RAD51B: variants seen among roughly 807,000 people sequenced by gnomAD.
The protein encoded by RAD51B is RAD51 paralog B.
RAD51B carries 38 observed loss-of-function variants against 42.2 expected under a neutral mutation model. The observed-to-expected ratio is 0.90, with a 90% CI of 0.70 to 1.18. RAD51B has a LOEUF of 1.18. Ranked by LOEUF, RAD51B falls within the 50% of genes most tolerant of loss-of-function variation. RAD51B has a pLI of 0.00. For missense variants in RAD51B, 373 were observed against 400.7 expected (o/e 0.93, Z 0.59); for synonymous variants, 154 against 145.2 (o/e 1.06, Z -0.43).
At chr14:68,422,715 CTA>C (rs2084739591) in intron 9 of RAD51B, among the ~76,000 whole-genome samples, 1 of 152,122 alleles carries the variant, frequency 6.6e-6, no homozygotes, top group African/African-American at 2.4e-5. Flanking sequence ...TTATGATATG[CTA>C]CACATTATCT....
chr14:68,227,224 T>G (rs960552461), intron 7 of RAD51B, among the ~76,000 whole-genome samples: 1 of 152,324 alleles, frequency 6.6e-6, no homozygotes, highest in Non-Finnish European at 1.5e-5. Context: ...CACTCTTGCC[T>G]TTCTTCAAAT....
chr14:68,639,171 G>A (rs1458336574), intron 10 of RAD51B, among the ~76,000 whole-genome samples: 4 of 152,212 alleles, frequency 2.6e-5, no homozygotes, highest in African/African-American at 9.7e-5. Flanking sequence ...GCTAGCTGCT[G>A]TAACAGACTC....
chr14:67,980,238 A>T (rs1015672096), intron 7 of RAD51B, among the ~76,000 whole-genome samples: 3 of 152,128 alleles, frequency 2.0e-5, no homozygotes, highest in Non-Finnish European at 4.4e-5. Flanking sequence ...TGAGATCAGA[A>T]GTTTGAGATC....
chr14:67,861,608 G>GT (rs1484174090), intron 4 of RAD51B, among the ~76,000 whole-genome samples: 2 of 150,322 alleles, frequency 1.3e-5, no homozygotes, highest in Non-Finnish European at 3.0e-5. Context: ...GGTGAAGCAT[G>GT]TTTTTTTAAA....
intron 10 of RAD51B, among the ~76,000 whole-genome samples, chr14:68,528,256 A>G (rs1370174753): frequency 6.6e-6 from 1 of 152,236 alleles, no homozygotes; most frequent in African/African-American, 2.4e-5. Flanking sequence ...GTCATTCATC[A>G]TATTTCCTCT....
chr14:68,329,351 A>G (rs1484708942), intron 8 of RAD51B, among the ~76,000 whole-genome samples: 2 of 152,266 alleles, frequency 1.3e-5, no homozygotes, highest in African/African-American at 2.4e-5. Context: ...TTATAACCCA[A>G]ACTCCTGAGT....
At chr14:68,321,533 C>T (rs986519489) in intron 8 of RAD51B, among the ~76,000 whole-genome samples, 3 of 152,156 alleles carry the variant, frequency 2.0e-5, no homozygotes, top group African/African-American at 7.2e-5. Flanking sequence ...CTGCTCTTAG[C>T]ATTTTGTTGC....
At chr14:68,458,983 T>C (rs1404601341) in intron 9 of RAD51B, among the ~76,000 whole-genome samples, 1 of 152,196 alleles carries the variant, frequency 6.6e-6, no homozygotes, top group Non-Finnish European at 1.5e-5. Flanking sequence ...CAGTGTTCCA[T>C]GCAGAGTGAT....
intron 9 of RAD51B, among the ~76,000 whole-genome samples, chr14:68,437,368 G>A (rs997450100): frequency 6.6e-6 from 1 of 152,148 alleles, no homozygotes; most frequent in South Asian, 2.1e-4. Context: ...TTACTTGATC[G>A]TGGTGAATTA....
intron 7 of RAD51B, chr14:67,908,801 G>A (rs907784728): frequency 6.6e-6 from 1 of 152,176 alleles, no homozygotes; most frequent in African/African-American, 2.4e-5. Context: ...TAAATAAGAC[G>A]TGGATCCTGC....
chr14:68,424,057 A>G (rs552163445), intron 9 of RAD51B, among the ~76,000 whole-genome samples: 62 of 152,296 alleles, frequency 4.1e-4, no homozygotes, highest in African/African-American at 1.4e-3. Flanking sequence ...TCTCTGTGGC[A>G]TCTTGCCCAC....
At chr14:68,335,788 A>G (rs575443620) in intron 8 of RAD51B, among the ~76,000 whole-genome samples, 5 of 152,370 alleles carry the variant, frequency 3.3e-5, no homozygotes, top group African/African-American at 9.6e-5. Flanking sequence ...TAACAAGAGC[A>G]GAAAGTTCTA....
intron 7 of RAD51B, among the ~76,000 whole-genome samples, chr14:68,045,793 G>A (rs1267757852): frequency 2.0e-5 from 3 of 152,092 alleles, no homozygotes; most frequent in Non-Finnish European, 2.9e-5. Context: ...GTAGAAAAGG[G>A]AGCCAGATAT....
intron 10 of RAD51B, among the ~76,000 whole-genome samples, chr14:68,519,588 G>A (rs979893513): frequency 2.6e-5 from 4 of 152,192 alleles, no homozygotes; most frequent in Non-Finnish European, 4.4e-5. Context: ...CTGACAACAC[G>A]ACTGGTTCTG....
chr14:67,947,167 T>C (rs78863820), intron 7 of RAD51B, among the ~76,000 whole-genome samples: 3 of 152,200 alleles, frequency 2.0e-5, no homozygotes, highest in Admixed American at 1.3e-4. Flanking sequence ...TCATCATTAA[T>C]AAACATCTAT....
intron 7 of RAD51B, among the ~76,000 whole-genome samples, chr14:68,036,675 AT>A (rs1330462899): frequency 2.0e-5 from 3 of 152,244 alleles, no homozygotes; most frequent in Non-Finnish European, 4.4e-5. Flanking sequence ...GAAAACATAT[AT>A]TCCAATACTA....
intron 7 of RAD51B, among the ~76,000 whole-genome samples, chr14:67,987,706 T>G (rs540757508): frequency 5.4e-4 from 82 of 152,228 alleles, no homozygotes; most frequent in Non-Finnish European, 1.1e-3. Flanking sequence ...AGGCCTATTT[T>G]AACTCTACAT....
chr14:68,562,054 C>T (rs1477966658), intron 10 of RAD51B: 15 of 985,212 alleles, frequency 1.5e-5, no homozygotes, highest in Non-Finnish European at 1.7e-5. Flanking sequence ...AGAATTAGAC[C>T]ACATGAATAA....
intron 10 of RAD51B, among the ~76,000 whole-genome samples, chr14:68,643,863 G>C (rs1595044003): frequency 6.6e-6 from 1 of 152,142 alleles, no homozygotes; most frequent in East Asian, 1.9e-4. Context: ...CAGGAGAGAG[G>C]AGTGGTCATG....
Sources: allele counts gnomAD v4.1 joint callset (sites outside exome capture counted in the v4.1 genomes callset), GRCh38; gene constraint gnomAD v4.1.1; transcripts MANE v1.5; gene names NCBI Gene and HGNC (gene_info 2026-07-23, HGNC 2026-07-21).